The following PRLR variants were observed in gnomAD, a reference collection of about 807,000 sequenced individuals.
PRLR encodes the protein prolactin receptor.
In PRLR, 13 loss-of-function variants were observed where a neutral mutation model predicts 40.2. That is an observed-to-expected ratio of 0.32 (90% CI 0.21 to 0.51). The LOEUF (loss-of-function observed/expected upper bound fraction) is 0.51, where lower values mean the gene tolerates loss of function less well. Among genes scored for constraint, PRLR ranks in the 20% least tolerant of loss-of-function variants. The probability of loss-of-function intolerance (pLI) is 0.97; values close to 1 mark genes in which losing one functional copy is unlikely to be tolerated. For synonymous variants in PRLR, 269 were observed against 278.7 expected (o/e 0.97, Z 0.35); for missense variants, 656 against 747.3 (o/e 0.88, Z 1.42).
intron 1 of PRLR, among the ~76,000 whole-genome samples, chr5:35,153,195 C>T (rs1055563888): frequency 2.0e-5 from 3 of 152,108 alleles, no homozygotes; most frequent in East Asian, 1.9e-4. Context: ...TGATTAGTAG[C>T]GATCCTTCCA....
At chr5:35,088,107 C>A (rs527412510) in intron 3 of PRLR, among the ~76,000 whole-genome samples, 3 of 152,088 alleles carry the variant, frequency 2.0e-5, no homozygotes, top group Non-Finnish European at 4.4e-5. Context: ...GCAGAGCTGG[C>A]CAGAAAGAGG....
chr5:35,206,536 T>C (rs2111625508), intron 1 of PRLR, among the ~76,000 whole-genome samples: 1 of 152,212 alleles, frequency 6.6e-6, no homozygotes, highest in Non-Finnish European at 1.5e-5. Flanking sequence ...TTACCAATAC[T>C]GAGGAAAGGT....
intron 1 of PRLR, among the ~76,000 whole-genome samples, chr5:35,178,106 C>T (rs2111968157): frequency 6.6e-6 from 1 of 152,012 alleles, no homozygotes; most frequent in Middle Eastern, 3.4e-3. Context: ...CTGGCCATTT[C>T]TATATCATTT....
chr5:35,189,576 GT>G (rs1234410462), intron 1 of PRLR, among the ~76,000 whole-genome samples: 1,470 of 33,446 alleles, frequency 0.044, 23 homozygotes, highest in African/African-American at 0.23. Flanking sequence ...GAGAAACTCC[GT>G]TTAAAAAAAA....
intron 1 of PRLR, among the ~76,000 whole-genome samples, chr5:35,191,871 C>T (rs780105789): frequency 6.6e-6 from 1 of 152,218 alleles, no homozygotes; most frequent in African/African-American, 2.4e-5. Context: ...TTCCAGTGAC[C>T]ACCAGGCTTC....
intron 1 of PRLR, among the ~76,000 whole-genome samples, chr5:35,171,209 C>T (rs1341631659): frequency 3.3e-5 from 5 of 152,194 alleles, no homozygotes; most frequent in Middle Eastern, 3.4e-3. Flanking sequence ...TCAAATGAGC[C>T]ACAGCAGGGA....
chr5:35,137,351 T>C (rs1278052747), intron 1 of PRLR, among the ~76,000 whole-genome samples: 5 of 152,120 alleles, frequency 3.3e-5, no homozygotes, highest in Non-Finnish European at 7.4e-5. Flanking sequence ...TTCATTACCT[T>C]ATAGAAAATC....
chr5:35,055,572 T>C (rs1768669249), downstream of PRLR: 1 of 152,162 alleles, frequency 6.6e-6, no homozygotes, highest in African/African-American at 2.4e-5. Flanking sequence ...TAAAATGCAG[T>C]TCCCCCTCCT....
rs571413123 is a variant in PRLR at position 35,058,170 on chromosome 5, C to A, written c.*6919G>T. 1.3e-5 allele frequency: 2 copies of A among 151,754 alleles called. No individual in the cohort carries two copies. Among genetic ancestry groups the A allele is most frequent in the South Asian group, 4.2e-4 (2 of 4,802 alleles). The allele number at this position is 151,754 out of a possible 1,614,324, so 9.4% of individuals were successfully genotyped here. A position where few individuals can be genotyped will look rare whatever the true frequency, so the allele number is the denominator to read the frequency against. On this transcript the variant is annotated 3_prime_UTR_variant, in exon 10 of 10. Transcript: ENST00000618457. ...AAAACCCAGCAACTTAATTATAAAA[C>A]AATTACTTCTAATTTCTCACTTAGT...
intron 2 of PRLR, among the ~76,000 whole-genome samples, chr5:35,091,550 T>C (rs1031617601): frequency 3.9e-5 from 6 of 152,310 alleles, no homozygotes; most frequent in South Asian, 2.1e-4. Flanking sequence ...TGAGAGCCAC[T>C]GAGAGATCAT....
intron 1 of PRLR, chr5:35,130,369 T>C (rs532522920): frequency 1.3e-5 from 2 of 152,128 alleles, no homozygotes; most frequent in African/African-American, 4.8e-5. Flanking sequence ...GGGGCAACCA[T>C]AGCAAGGGCA....
intron 1 of PRLR, chr5:35,152,826 C>A (rs1444252704): frequency 6.6e-6 from 1 of 152,176 alleles, no homozygotes; most frequent in African/African-American, 2.4e-5. Context: ...CATTTCATGT[C>A]ATTTATTTCT....
intron 2 of PRLR, among the ~76,000 whole-genome samples, chr5:35,114,509 G>T (rs7734558): frequency 6.6e-6 from 1 of 152,010 alleles, no homozygotes; most frequent in Admixed American, 6.6e-5. Context: ...AACCCTCCAG[G>T]CTCCTCAGAT....
rs755512586 is a variant in PRLR, at chr5:35,171,388, G to A, written c.-105-53266C>T. Among the ~76,000 whole-genome samples, 5 of 152,222 alleles carry A rather than the reference G, an allele frequency of 3.3e-5. No homozygotes were observed. The South Asian group carries it at 6.2e-4, about 19-fold the overall frequency. Reference sequence around the variant, plus strand: ...CCTAAAACTTGAGCCTGCCCAGCAAGTTGTGAGCTAATGGCTCCTACAGAG... The same window carrying A: ...CCTAAAACTTGAGCCTGCCCAGCAAATTGTGAGCTAATGGCTCCTACAGAG... On this transcript the variant is annotated intron_variant, in intron 1 of 9. Transcript: ENST00000618457.
rs548278756 is a variant in PRLR, at chr5:35,075,803, A to G, written c.374-3059T>C. 2.5e-4 allele frequency among the ~76,000 whole-genome samples: 38 copies of G among 152,248 alleles called. No homozygotes were observed. In the South Asian group the frequency reaches 7.5e-3, roughly 30 times the overall value. ...GACACTTCCCAGTAGGGGCCGACTGACACCTCATACACCCAGGTGCCCCTC... is the reference window on the plus strand; with the variant it reads ...GACACTTCCCAGTAGGGGCCGACTGGCACCTCATACACCCAGGTGCCCCTC... On this transcript the variant is annotated intron_variant, in intron 5 of 9. Transcript: ENST00000618457.
intron 1 of PRLR, among the ~76,000 whole-genome samples, chr5:35,204,946 A>T (rs116241081): frequency 0.022 from 3,275 of 152,196 alleles, 60 homozygotes; most frequent in Non-Finnish European, 0.031. Flanking sequence ...AAGTTTCCTG[A>T]CACCCTTCTT....
chr5:35,229,338 A>C (rs1776633915), intron 1 of PRLR, among the ~76,000 whole-genome samples: 1 of 152,022 alleles, frequency 6.6e-6, no homozygotes, highest in Non-Finnish European at 1.5e-5. Context: ...CTCCAGACTA[A>C]TAATAATGTT....
intron 1 of PRLR, among the ~76,000 whole-genome samples, chr5:35,210,877 A>T (rs962424460): frequency 6.6e-6 from 1 of 151,992 alleles, no homozygotes; most frequent in African/African-American, 2.4e-5. Context: ...TGCTCGTCTA[A>T]TTTTTTAATT....
Position 35,191,463 on chromosome 5 carries a change from T to C in PRLR, c.-106+38805A>G, listed in dbSNP as rs539972998. ...GCCAGGTGTGCAGGGAGAAAGGGAC[T>C]TCTGAGGAACATCATTTCTAGCCTA... On this transcript the variant is annotated intron_variant, in intron 1 of 9. Transcript: ENST00000618457. Among the ~76,000 whole-genome samples, 3 of 152,324 alleles carry C rather than the reference T, an allele frequency of 2.0e-5. No homozygotes were observed. In the East Asian group the frequency reaches 5.8e-4, roughly 29 times the overall value.
Sources: gnomAD v4.1 joint callset for allele counts (sites outside exome capture counted in the v4.1 genomes callset) on GRCh38, gnomAD v4.1.1 for gene constraint, MANE v1.5 for transcripts, NCBI Gene and HGNC (gene_info 2026-07-23, HGNC 2026-07-21) for gene names.